GTF2IRD2: variants seen among roughly 807,000 people sequenced by gnomAD.
GTF2IRD2 encodes general transcription factor II-I repeat domain-containing protein 2A.
A neutral mutation model predicts 49.2 loss-of-function variants in GTF2IRD2; 8 were observed. The ratio of observed to expected loss-of-function variants is 0.16; its 90% CI spans 0.10 to 0.29. GTF2IRD2 has a LOEUF of 0.29. Among genes scored for constraint, GTF2IRD2 ranks in the 10% least tolerant of loss-of-function variants. The probability of loss-of-function intolerance (pLI) is 1.00; values close to 1 mark genes in which losing one functional copy is unlikely to be tolerated. For missense variants in GTF2IRD2, 130 were observed against 725.7 expected (o/e 0.18, Z 9.43); for synonymous variants, 47 against 289.7 (o/e 0.16, Z 8.51).
At position 74,839,073 on chromosome 7, in the gene GTF2IRD2, C is replaced by T. The variant is rs1421394365; in HGVS notation, c.-5-2690G>A. ...CCAAGTAGCTGGGATTACAGGCAGG[C>T]GCCACCATGCTCGGCTAATTTTTGT... On this transcript the variant is annotated intron_variant, in intron 1 of 15. Transcript: ENST00000451013. Among the ~76,000 whole-genome samples, 3 of 24,560 alleles carry T rather than the reference C, an allele frequency of 1.2e-4. 1 individual carries two copies. The highest frequency in any genetic ancestry group is 1.3e-4 in the Non-Finnish European group (2 of 15,122). 16.1% of individuals were successfully genotyped at this position (24,560 alleles called of 152,430 possible).
At chr7:74,836,556 CTTATT>C (rs1178301587) in intron 1 of GTF2IRD2, among the ~76,000 whole-genome samples, 173 bp from the exon 2 acceptor site, 29 of 149,844 alleles carry the variant, frequency 1.9e-4, no homozygotes, top group African/African-American at 7.1e-4. Flanking sequence ...GTAATGCTAA[CTTATT>C]TTATTTTATT....
intron 1 of GTF2IRD2, among the ~76,000 whole-genome samples, chr7:74,842,592 G>A (rs1271781832): frequency 1.4e-5 from 2 of 144,034 alleles, no homozygotes; most frequent in African/African-American, 5.4e-5. Context: ...CCAGGCTGAC[G>A]TGCAGTGCCA....
chr7:74,825,340 G>A (rs1434166596), intron 3 of GTF2IRD2, among the ~76,000 whole-genome samples: 4 of 116,220 alleles, frequency 3.4e-5, no homozygotes, highest in African/African-American at 1.3e-4. Flanking sequence ...CGAAGTTCCC[G>A]GCAGCCTCAA....
chr7:74,806,277 TA>T (rs1258819706), intron 12 of GTF2IRD2, among the ~76,000 whole-genome samples: 2 of 137,410 alleles, frequency 1.5e-5, no homozygotes, highest in Non-Finnish European at 3.1e-5. Flanking sequence ...ATATTTTACA[TA>T]CACATATTCA....
rs373596257 is a variant in GTF2IRD2, at chr7:74,822,460, A to C, written c.543-5T>G. 8.5e-5 allele frequency: 72 copies of C among 850,474 alleles called. 3 individuals are homozygous for C. The African/African-American group carries it at 1.5e-3, about 18-fold the overall frequency. The allele number at this position is 850,474 out of a possible 1,614,324, so 52.7% of individuals were successfully genotyped here. ...CTCTCTGGTCCTAGGAAGGGTCTGC[A>C]AGAAAAGCAACACCATTACCCAGCA... is the stretch of plus-strand genomic sequence containing the variant. On this transcript the variant is annotated splice_region_variant and splice_polypyrimidine_tract_variant and intron_variant, in intron 5 of 15. Transcript: ENST00000451013.
At chr7:74,830,267 C>T (rs2529255) in intron 3 of GTF2IRD2, among the ~76,000 whole-genome samples, 16,326 of 121,464 alleles carry the variant, frequency 0.13, 2,446 homozygotes, top group African/African-American at 0.41. Flanking sequence ...CTTTGGGAGC[C>T]AGAGGCAGGC....
At chr7:74,830,121 A>G (rs1662273581) in intron 3 of GTF2IRD2, among the ~76,000 whole-genome samples, 1 of 141,368 alleles carries the variant, frequency 7.1e-6, no homozygotes, top group Non-Finnish European at 1.5e-5. Context: ...GATCTCAGCT[A>G]CTTGGGAGGC....
intron 4 of GTF2IRD2, among the ~76,000 whole-genome samples, chr7:74,824,101 G>A (rs2718249): frequency 0.087 from 10,104 of 116,214 alleles, 1,021 homozygotes; most frequent in African/African-American, 0.34. Flanking sequence ...GAGAGGCGGA[G>A]CTTGCAGTGA....
At chr7:74,809,856 C>G (rs1241230946) in intron 10 of GTF2IRD2, among the ~76,000 whole-genome samples, 1 of 113,724 alleles carries the variant, frequency 8.8e-6, no homozygotes, top group South Asian at 3.4e-4. Context: ...TGGAATGGTG[C>G]GATTTCGGCT....
chr7:74,829,883 G>A (rs1381229049), intron 3 of GTF2IRD2, among the ~76,000 whole-genome samples: 5 of 39,036 alleles, frequency 1.3e-4, no homozygotes, highest in African/African-American at 9.0e-4. Flanking sequence ...GCGAGATTCT[G>A]TCTCAAAAAA....
At chr7:74,836,751 A>G (rs1258149307) in intron 1 of GTF2IRD2, among the ~76,000 whole-genome samples, 1 of 152,038 alleles carries the variant, frequency 6.6e-6, no homozygotes, top group Non-Finnish European at 1.5e-5. Context: ...TTTTTTGTAA[A>G]GACGGGGTTT....
intron 1 of GTF2IRD2, among the ~76,000 whole-genome samples, chr7:74,839,995 G>A (rs1421368224): frequency 2.0e-5 from 3 of 148,366 alleles, no homozygotes; most frequent in South Asian, 2.2e-4. Context: ...GTAAGATTCC[G>A]TCTAAAAACA....
intron 2 of GTF2IRD2, among the ~76,000 whole-genome samples, chr7:74,835,065 T>A: frequency 6.9e-6 from 1 of 144,608 alleles, no homozygotes; most frequent in Non-Finnish European, 1.5e-5. Flanking sequence ...ATTTTCCATT[T>A]TTAATCAATA....
At chr7:74,829,888 A>AAAAAAACAAAAC (rs1491487759) in intron 3 of GTF2IRD2, among the ~76,000 whole-genome samples, 839 of 43,484 alleles carry the variant, frequency 0.019, 54 homozygotes, top group African/African-American at 0.088. Context: ...ATTCTGTCTC[A>AAAAAAACAAAAC]AAAAAAAAAA....
At chr7:74,831,469 C>T (rs1431326935) in intron 3 of GTF2IRD2, among the ~76,000 whole-genome samples, 7 of 149,512 alleles carry the variant, frequency 4.7e-5, no homozygotes, top group African/African-American at 1.5e-4. Context: ...TTTATATACC[C>T]TCTGCCAATC....
chr7:74,840,031 G>C, intron 1 of GTF2IRD2, among the ~76,000 whole-genome samples: 1 of 144,388 alleles, frequency 6.9e-6, no homozygotes, highest in East Asian at 2.1e-4. Context: ...CACAGCAACA[G>C]CCCAAGGGGC....
At chr7:74,841,792 T>C (rs1198211264) in intron 1 of GTF2IRD2, among the ~76,000 whole-genome samples, 1 of 142,846 alleles carries the variant, frequency 7.0e-6, no homozygotes, top group Non-Finnish European at 1.5e-5. Flanking sequence ...GGTTGATAGC[T>C]AAAGGGTAAA....
chr7:74,830,533 C>T (rs1187249324), intron 3 of GTF2IRD2, among the ~76,000 whole-genome samples: 7 of 146,516 alleles, frequency 4.8e-5, no homozygotes, highest in African/African-American at 1.5e-4. Flanking sequence ...GAAAAACCTG[C>T]GGCCATAAAA....
At position 74,796,446 on chromosome 7, in the gene GTF2IRD2, C is replaced by T; in HGVS notation, c.*216G>A. 1.9e-6 allele frequency: 1 copy of T among 531,576 alleles called. No individual in the cohort carries two copies. Among genetic ancestry groups the T allele is most frequent in the East Asian group, 3.4e-5 (1 of 29,508 alleles). 32.9% of individuals were successfully genotyped at this position (531,576 alleles called of 1,614,324 possible). A position where few individuals can be genotyped will look rare whatever the true frequency, so the allele number is the denominator to read the frequency against. On this transcript the variant is annotated 3_prime_UTR_variant, in exon 16 of 16. Coordinates refer to ENST00000451013, the MANE Select transcript of GTF2IRD2 (RefSeq NM_173537.5). Reference sequence around the variant, plus strand: ...GCATGGTGGCGCACGCCTGTAGTCCCAGCTGCTCGGGAGGCTGAGGCAGGA... The same window carrying T: ...GCATGGTGGCGCACGCCTGTAGTCCTAGCTGCTCGGGAGGCTGAGGCAGGA...
Sources: allele counts gnomAD v4.1 joint callset (sites outside exome capture counted in the v4.1 genomes callset), GRCh38; gene constraint gnomAD v4.1.1; transcripts MANE v1.5; gene names NCBI Gene and HGNC (gene_info 2026-07-23, HGNC 2026-07-21).